CDK12: variants seen among roughly 807,000 people sequenced by gnomAD.
CDK12 encodes the protein cyclin dependent kinase 12, also known as cyclin-dependent kinase 12.
A neutral mutation model predicts 133.8 loss-of-function variants in CDK12; 17 were observed. That is an observed-to-expected ratio of 0.13 (90% CI 0.09 to 0.19). The LOEUF is 0.19. Ranked by LOEUF, CDK12 falls within the 10% of genes least tolerant of loss-of-function variation. CDK12 has a pLI of 1.00. For missense variants in CDK12, 1,508 were observed against 1,818.7 expected (o/e 0.83, Z 3.11); for synonymous variants, 694 against 683.6 (o/e 1.02, Z -0.24).
Position 39,509,016 on chromosome 17 carries a change from T to A in CDK12, c.2610-689T>A, listed in dbSNP as rs964187249. 9.2e-5 allele frequency among the ~76,000 whole-genome samples: 7 copies of A among 76,300 alleles called. No individual in the cohort carries two copies. In the East Asian group the frequency reaches 1.2e-3, roughly 13 times the overall value. The allele number at this position is 76,300 out of a possible 152,430, so 50.1% of individuals were successfully genotyped here. A position where few individuals can be genotyped will look rare whatever the true frequency, so the allele number is the denominator to read the frequency against. ...CTGTCTCAAAAAAAAAAAAAAAAAA[T>A]CAGCAGAGTGAAACATGGTTGGGAT... On this transcript the variant is annotated intron_variant, in intron 6 of 13. Coordinates refer to ENST00000447079, the MANE Select transcript of CDK12 (RefSeq NM_016507.4).
Position 39,519,959 on chromosome 17 carries a change from T to C in CDK12, c.2967T>C (p.Ile989=). Residue 989 remains isoleucine, a synonymous_variant, in exon 11 of 14, where the codon ATT becomes ATC. Coordinates refer to ENST00000447079, the MANE Select transcript of CDK12 (RefSeq NM_016507.4). The stretch of plus-strand genomic sequence containing the variant: ...CTTTCTGTGTTCTTTTCCATAGCAT[T>C]CCTTCTGCAGCACTTGATTTATTGG... ...RRRLREEFSF[I]PSAALDLLDH... 1 of 1,613,898 alleles carries C rather than the reference T, an allele frequency of 6.2e-7. No individual in the cohort carries two copies. The highest frequency in any genetic ancestry group is 1.7e-4 in the Middle Eastern group (1 of 6,058).
chr17:39,496,912 C>CTTTTTTTTTTTTTT (rs71147349), intron 5 of CDK12, among the ~76,000 whole-genome samples: 1 of 87,820 alleles, frequency 1.1e-5, no homozygotes, highest in African/African-American at 4.8e-5. Context: ...TTCAGTATAT[C>CTTTTTTTTTTTTTT]TTTTTTTTTT....
intron 1 of CDK12, among the ~76,000 whole-genome samples, chr17:39,467,514 T>C (rs1192279066): frequency 6.6e-6 from 1 of 152,198 alleles, no homozygotes; most frequent in Non-Finnish European, 1.5e-5. Flanking sequence ...GGAACTTAAA[T>C]GTAGCATTTG....
Position 39,475,105 on chromosome 17 carries a change from G to T in CDK12, c.1931+3342G>T, listed in dbSNP as rs375156983. On this transcript the variant is annotated intron_variant, in intron 2 of 13. Coordinates refer to ENST00000447079, the MANE Select transcript of CDK12 (RefSeq NM_016507.4). ...CCACCTGGGCCTTCCAAAGTGCTGG[G>T]ATTACAGGCATGAGCCACTGCACCC... is the stretch of plus-strand genomic sequence containing the variant. 9.2e-5 allele frequency among the ~76,000 whole-genome samples: 14 copies of T among 151,952 alleles called. No individual in the cohort carries two copies. The East Asian group carries it at 1.4e-3, about 15-fold the overall frequency.
intron 1 of CDK12, among the ~76,000 whole-genome samples, chr17:39,541,604 A>ATCAGCCCGCC (rs56299209): frequency 0.62 from 94,180 of 151,580 alleles, 32,285 homozygotes; most frequent in South Asian, 0.89. Flanking sequence ...AGACCTCGTG[A>ATCAGCCCGCC]TCAGCCTCCC....
chr17:39,475,422 A>G (rs2050116814), intron 2 of CDK12, among the ~76,000 whole-genome samples: 1 of 152,120 alleles, frequency 6.6e-6, no homozygotes, highest in South Asian at 2.1e-4. Flanking sequence ...ACGGTGAACT[A>G]TGATTGGGCC....
At chr17:39,551,807 G>A (rs915786674) in intron 2 of CDK12, among the ~76,000 whole-genome samples, 12 of 152,142 alleles carry the variant, frequency 7.9e-5, no homozygotes, top group African/African-American at 2.9e-4. Flanking sequence ...GCTAGGGTTA[G>A]GAGGGAAGAA....
At chr17:39,557,507 G>T (rs1304523447) in intron 3 of CDK12, among the ~76,000 whole-genome samples, 1 of 152,166 alleles carries the variant, frequency 6.6e-6, no homozygotes, top group Non-Finnish European at 1.5e-5. Flanking sequence ...TTTCATGGAG[G>T]GGCACTGTGT....
At chr17:39,520,661 A>T (rs1056230262) in intron 11 of CDK12, among the ~76,000 whole-genome samples, 1 of 151,806 alleles carries the variant, frequency 6.6e-6, no homozygotes, top group Admixed American at 6.6e-5. Context: ...TGCTGGGATT[A>T]CAGGCGTAAG....
intron 2 of CDK12, among the ~76,000 whole-genome samples, chr17:39,555,886 A>ACAC (rs1567819906): frequency 2.5e-5 from 3 of 120,792 alleles, no homozygotes; most frequent in African/African-American, 1.0e-4. Flanking sequence ...CACACACACA[A>ACAC]AGCCAGGTGT....
rs528512671 is a variant in CDK12, at chr17:39,486,592, C to A, written c.1932-3965C>A. On this transcript the variant is annotated intron_variant, in intron 2 of 13. Coordinates refer to ENST00000447079, the MANE Select transcript of CDK12 (RefSeq NM_016507.4). ...GATTTTTCTTGTTCTTCTAGTGAAG[C>A]CAAACCAAGAAGAAATCTGTTTTGA... 1.3e-3 allele frequency among the ~76,000 whole-genome samples: 199 copies of A among 152,096 alleles called. No homozygotes were observed. The Middle Eastern group carries it at 0.034, about 26-fold the overall frequency.
Position 39,526,078 on chromosome 17 carries a change from C to A in CDK12, c.3522C>A (p.Ala1174=), listed in dbSNP as rs139095098. The part of the protein sequence containing the change: ...TSQQQDSETM[A]PEESLKEAPS... Reference sequence around the variant, plus strand: ...AGCAGCAGGACTCAGAGACCATGGCCCCAGAGGAGTCTTTGAAGGAAGCAC... The same window carrying A: ...AGCAGCAGGACTCAGAGACCATGGCACCAGAGGAGTCTTTGAAGGAAGCAC... The change falls in exon 13 of 14, where the codon GCC becomes GCA. Residue 1174 remains alanine, a synonymous_variant. Coordinates refer to ENST00000447079, the MANE Select transcript of CDK12 (RefSeq NM_016507.4). 1 of 1,614,056 alleles carries A rather than the reference C, an allele frequency of 6.2e-7. No homozygotes were observed. The highest frequency in any genetic ancestry group is 8.5e-7 in the Non-Finnish European group (1 of 1,180,034).
At chr17:39,549,961 G>A (rs921190726), upstream of CDK12, 1 of 151,652 alleles carries the variant, frequency 6.6e-6, no homozygotes, top group African/African-American at 2.4e-5. Flanking sequence ...CCTGCCCCAT[G>A]TCTTCCTCTA....
Position 39,471,777 on chromosome 17 carries a change from TG to T in CDK12, c.1931+15del. 6.3e-7 allele frequency: 1 copy of T among 1,579,370 alleles called. No individual in the cohort carries two copies. The highest frequency in any genetic ancestry group is 8.6e-7 in the Non-Finnish European group (1 of 1,161,858). The stretch of plus-strand genomic sequence containing the variant: ...TGACATGGATAGGTAAGTCCTATAG[TG>T]AACTGGAAAAAACCCCCTTGATCTA... On this transcript the variant is annotated intron_variant, in intron 2 of 13. Coordinates refer to ENST00000447079, the MANE Select transcript of CDK12 (RefSeq NM_016507.4).
In CDK12 at chr17:39,532,599, A is replaced by T. The variant is rs1358737097; in HGVS notation, c.*1283A>T. The T allele has an allele frequency of 1.3e-5, 3 of 231,804 alleles. No homozygotes were observed. The highest frequency in any genetic ancestry group is 1.2e-3 in the Middle Eastern group (1 of 804). The allele number at this position is 231,804 out of a possible 1,614,324, so 14.4% of individuals were successfully genotyped here. A position where few individuals can be genotyped will look rare whatever the true frequency, so the allele number is the denominator to read the frequency against. On this transcript the variant is annotated 3_prime_UTR_variant, in exon 14 of 14. Transcript: ENST00000447079. ...GATACATCAATACCTGACCTTTTTTAAAAAAATAATTTTAAAACAGCATAC... is the reference window on the plus strand; with the variant it reads ...GATACATCAATACCTGACCTTTTTTTAAAAAATAATTTTAAAACAGCATAC...
At chr17:39,559,703 G>C (rs1431889477) in intron 3 of CDK12, among the ~76,000 whole-genome samples, 1 of 152,044 alleles carries the variant, frequency 6.6e-6, no homozygotes, top group Non-Finnish European at 1.5e-5. Context: ...GCTGGGCATG[G>C]TGGCATGCTC....
intron 5 of CDK12, 114 bp from the exon 6 acceptor site, chr17:39,501,136 G>T: frequency 1.6e-6 from 1 of 643,526 alleles, no homozygotes. Context: ...AAAATTCAAG[G>T]GTTTTTTCTA....
Position 39,525,846 on chromosome 17 carries a change from T to C in CDK12, c.3308-18T>C, listed in dbSNP as rs746406232. 8.9e-5 allele frequency: 143 copies of C among 1,603,990 alleles called. No individual in the cohort carries two copies. Among genetic ancestry groups the C allele is most frequent in the Non-Finnish European group, 1.2e-4 (136 of 1,173,048 alleles). On this transcript the variant is annotated intron_variant, in intron 12 of 13. Coordinates refer to ENST00000447079, the MANE Select transcript of CDK12 (RefSeq NM_016507.4). ...GCCTATCTCATCGTCTTATATTGGC[T>C]TCACTGTCTTTCAACAGGCCTTGCT...
intron 5 of CDK12, among the ~76,000 whole-genome samples, chr17:39,498,588 G>A (rs1410216532): frequency 2.0e-5 from 3 of 151,994 alleles, no homozygotes; most frequent in African/African-American, 7.2e-5. Context: ...AGAGTACATT[G>A]GTGCAATCAC....
Sources: gnomAD v4.1 joint callset for allele counts (sites outside exome capture counted in the v4.1 genomes callset) on GRCh38, gnomAD v4.1.1 for gene constraint, MANE v1.5 for transcripts, NCBI Gene and HGNC (gene_info 2026-07-23, HGNC 2026-07-21) for gene names.